The following TRDMT1 variants were observed in gnomAD, a reference collection of about 807,000 sequenced individuals.
The protein encoded by TRDMT1 is tRNA aspartic acid methyltransferase 1.
In TRDMT1, 49 loss-of-function variants were observed where a neutral mutation model predicts 51.2. That is an observed-to-expected ratio of 0.96 (90% CI 0.76 to 1.21). The LOEUF (loss-of-function observed/expected upper bound fraction) is 1.21. Ranked by LOEUF, TRDMT1 falls within the 50% of genes most tolerant of loss-of-function variation. TRDMT1 has a pLI of 0.00. For missense variants in TRDMT1, 534 were observed against 462.3 expected (o/e 1.16, Z -1.42); for synonymous variants, 187 against 164.6 (o/e 1.14, Z -1.04).
chr10:17,163,497 G>C (rs968799053), intron 3 of TRDMT1, among the ~76,000 whole-genome samples: 5 of 151,986 alleles, frequency 3.3e-5, no homozygotes, highest in Admixed American at 1.3e-4. Context: ...CAAAAGCTAG[G>C]AGAAGGCAAG....
At chr10:17,189,329 G>A (rs1844378355) in intron 1 of TRDMT1, among the ~76,000 whole-genome samples, 1 of 152,120 alleles carries the variant, frequency 6.6e-6, no homozygotes, top group Non-Finnish European at 1.5e-5. Flanking sequence ...TGTCTTCATA[G>A]CGAAAAACCC....
intron 1 of TRDMT1, among the ~76,000 whole-genome samples, chr10:17,176,502 T>C (rs79384854): frequency 0.022 from 3,288 of 152,308 alleles, 120 homozygotes; most frequent in African/African-American, 0.074. Context: ...CTGAAATTTC[T>C]TTCTCAGGAA....
In TRDMT1 at chr10:17,143,573, C is replaced by T; in HGVS notation, c.*5467G>A. ...ATAGCAAATATTTTAGTAAAAACGA[C>T]ATTCATGCTGGATTAAATTTAGAAG... On this transcript the variant is annotated 3_prime_UTR_variant, in exon 11 of 11. Coordinates refer to ENST00000377799, the MANE Select transcript of TRDMT1 (RefSeq NM_004412.7). The T allele has an allele frequency of 1.0e-6, 1 of 985,432 alleles. No individual in the cohort carries two copies. Among genetic ancestry groups the T allele is most frequent in the South Asian group, 4.7e-5 (1 of 21,284 alleles). 61.0% of individuals were successfully genotyped at this position (985,432 alleles called of 1,614,324 possible).
intron 3 of TRDMT1, among the ~76,000 whole-genome samples, chr10:17,166,537 C>T (rs895866066): frequency 1.3e-5 from 2 of 151,936 alleles, no homozygotes; most frequent in African/African-American, 2.4e-5. Flanking sequence ...AAAAAGCATG[C>T]TATTTATCTT....
At chr10:17,151,180 G>A (rs1242715330) in intron 10 of TRDMT1, 6 of 795,354 alleles carry the variant, frequency 7.5e-6, no homozygotes, top group Non-Finnish European at 7.6e-6. Context: ...TGAAAGTGAT[G>A]GCAAATTACT....
intron 1 of TRDMT1, among the ~76,000 whole-genome samples, chr10:17,198,193 G>C (rs927471714): frequency 3.3e-5 from 5 of 152,130 alleles, no homozygotes; most frequent in Non-Finnish European, 4.4e-5. Context: ...TAGAGGAAAC[G>C]GAGTGCTCAT....
At position 17,179,261 on chromosome 10, in the gene TRDMT1, C is replaced by T. The variant is rs140238616; in HGVS notation, c.65-4601G>A. On this transcript the variant is annotated intron_variant, in intron 1 of 10. Coordinates refer to ENST00000377799, the MANE Select transcript of TRDMT1 (RefSeq NM_004412.7). ...TCTCCAGCCCCTCAACCCACAACCTCGCACCAGCCCTGAAGCTTTCCTTGG... is the reference window on the plus strand; with the variant it reads ...TCTCCAGCCCCTCAACCCACAACCTTGCACCAGCCCTGAAGCTTTCCTTGG... Among the ~76,000 whole-genome samples, 17 of 152,210 alleles carry T rather than the reference C, an allele frequency of 1.1e-4. No homozygotes were observed. In the East Asian group the frequency reaches 2.3e-3, roughly 21 times the overall value.
At position 17,157,441 on chromosome 10, in the gene TRDMT1, C is replaced by A; in HGVS notation, c.887G>T (p.Gly296Val). The A allele has an allele frequency of 6.3e-7, 1 of 1,590,102 alleles. No individual in the cohort carries two copies. Among genetic ancestry groups the A allele is most frequent in the South Asian group, 1.1e-5 (1 of 88,276 alleles). The change falls in exon 8 of 11, where the codon GGA (glycine) becomes GTA (valine). Residue 296 changes from glycine to valine, a missense_variant and splice_region_variant. Gly to Val is a moderately radical substitution (Grantham distance 109). Coordinates refer to ENST00000377799, the MANE Select transcript of TRDMT1 (RefSeq NM_004412.7). ...GGATCAATAGATCTTTAAAACCTAC[C>A]CTTTGGTAAAGCACACGGACCTTCT... ...TCRRSVCFTKGYGSYIEGTGS... is the reference protein window; with the variant it reads ...TCRRSVCFTKVYGSYIEGTGS...
chr10:17,145,473 A>G lies in TRDMT1; in HGVS notation c.*3567T>C, dbSNP rs1838027737. The G allele has an allele frequency of 4.1e-6, 4 of 985,322 alleles. No individual in the cohort carries two copies. The highest frequency in any genetic ancestry group is 4.7e-5 in the South Asian group (1 of 21,284). The allele number at this position is 985,322 out of a possible 1,614,324, so 61.0% of individuals were successfully genotyped here. On this transcript the variant is annotated 3_prime_UTR_variant, in exon 11 of 11. Transcript: ENST00000377799. ...TGTCTTTAAAAATTATATAATCTCA[A>G]TGCAATCACAGGCTACAAGAAAACT...
At chr10:17,198,616 C>G (rs1272103237) in intron 1 of TRDMT1, among the ~76,000 whole-genome samples, 1 of 152,108 alleles carries the variant, frequency 6.6e-6, no homozygotes, top group African/African-American at 2.4e-5. Flanking sequence ...AAAGACAAAG[C>G]AGAATCAAGG....
rs1837957737 is a variant in TRDMT1, at chr10:17,144,737, G to A, written c.*4303C>T. The stretch of plus-strand genomic sequence containing the variant: ...GATTGTGTAAGATTTTGAAGAGCAT[G>A]AGTACCTTAAAATGTTCCTAGACAG... On this transcript the variant is annotated 3_prime_UTR_variant, in exon 11 of 11. Coordinates refer to ENST00000377799, the MANE Select transcript of TRDMT1 (RefSeq NM_004412.7). The A allele has an allele frequency of 2.0e-6, 2 of 985,342 alleles. No individual in the cohort carries two copies. Among genetic ancestry groups the A allele is most frequent in the Non-Finnish European group, 2.4e-6 (2 of 829,898 alleles). The allele number at this position is 985,342 out of a possible 1,614,324, so 61.0% of individuals were successfully genotyped here.
intron 8 of TRDMT1, among the ~76,000 whole-genome samples, chr10:17,155,533 A>G (rs540675384): frequency 1.3e-5 from 2 of 152,084 alleles, no homozygotes; most frequent in Non-Finnish European, 2.9e-5. Context: ...CACTGATCCT[A>G]TGTCTGCTTG....
rs759950861 is a variant in TRDMT1 at position 17,139,291 on chromosome 10, C to T, written c.*9749G>A. The T allele has an allele frequency of 2.4e-5, 20 of 822,678 alleles. No homozygotes were observed. Among genetic ancestry groups the T allele is most frequent in the Non-Finnish European group, 2.6e-5 (18 of 681,492 alleles). The allele number at this position is 822,678 out of a possible 1,614,324, so 51.0% of individuals were successfully genotyped here. ...GTTAAATATTTAGACACCATTCATA[C>T]GATAATCAAAGGAAAATGTCTGATT... On this transcript the variant is annotated 3_prime_UTR_variant, in exon 11 of 11. Transcript: ENST00000377799.
rs368027743 is a variant in TRDMT1 at position 17,183,254 on chromosome 10, A to AGTGTAT, written c.65-8600_65-8595dup. Among the ~76,000 whole-genome samples the AGTGTAT allele has an allele frequency of 9.2e-3, 1,404 of 152,276 alleles. 6 individuals carry two copies. The highest frequency in any genetic ancestry group is 0.015 in the Non-Finnish European group (1,010 of 68,004). On this transcript the variant is annotated intron_variant, in intron 1 of 10. Coordinates refer to ENST00000377799, the MANE Select transcript of TRDMT1 (RefSeq NM_004412.7). ...TTGAGTAAAAATCCAAGTTTTATAAAGTGTATGTGTATGTGTATGTGTGCA... is the reference window on the plus strand; with the variant it reads ...TTGAGTAAAAATCCAAGTTTTATAAAGTGTATGTGTATGTGTATGTGTATGTGTGCA...
intron 3 of TRDMT1, among the ~76,000 whole-genome samples, chr10:17,166,533 C>T (rs1034545358): frequency 2.0e-5 from 3 of 151,876 alleles, no homozygotes; most frequent in Admixed American, 1.3e-4. Context: ...AAAAAAAAAG[C>T]ATGCTATTTA....
At chr10:17,195,141 C>G (rs1845235086) in intron 1 of TRDMT1, among the ~76,000 whole-genome samples, 1 of 152,136 alleles carries the variant, frequency 6.6e-6, no homozygotes, top group Admixed American at 6.5e-5. Flanking sequence ...AAAGCAAAAT[C>G]ATTCTACCAA....
At chr10:17,151,667 GA>G (rs1300190742) in intron 10 of TRDMT1, 2 of 954,630 alleles carry the variant, frequency 2.1e-6, no homozygotes, top group African/African-American at 3.5e-5. Flanking sequence ...AAAGAGCTTT[GA>G]AAAATTCTAT....
chr10:17,194,571 T>G (rs1262116597), intron 1 of TRDMT1, among the ~76,000 whole-genome samples: 2 of 152,054 alleles, frequency 1.3e-5, no homozygotes, highest in African/African-American at 4.8e-5. Context: ...ATCACTAATC[T>G]TCAAGAAATG....
At chr10:17,162,294 C>G (rs1206012477) in intron 3 of TRDMT1, 57 bp from the exon 4 acceptor site, 2 of 1,478,656 alleles carry the variant, frequency 1.4e-6, no homozygotes, top group Admixed American at 2.2e-5. Flanking sequence ...TATTAAGAAT[C>G]TGATAAAAAG....
Sources: gnomAD v4.1 joint callset for allele counts (sites outside exome capture counted in the v4.1 genomes callset) on GRCh38, gnomAD v4.1.1 for gene constraint, MANE v1.5 for transcripts, NCBI Gene and HGNC (gene_info 2026-07-23, HGNC 2026-07-21) for gene names.